Variants in SDK1 observed in about 807,000 individuals in gnomAD.
The protein encoded by SDK1 is sidekick cell adhesion molecule 1.
A neutral mutation model predicts 245.5 loss-of-function variants in SDK1; 157 were observed. That is an observed-to-expected ratio of 0.64 (90% CI 0.56 to 0.73). The LOEUF is 0.73. Ranked by LOEUF, SDK1 falls within the 30% of genes least tolerant of loss-of-function variation. SDK1 has a pLI of 0.00. For missense variants in SDK1, 3,583 were observed against 3,002.3 expected, an observed-to-expected ratio of 1.19 and a Z score of -4.52; for synonymous variants, 1,647 against 1,278.5, an observed-to-expected ratio of 1.29 and a Z score of -6.15.
chr7:3,611,076 C>T (rs1041391471), intron 1 of SDK1, among the ~76,000 whole-genome samples: 12 of 152,092 alleles, frequency 7.9e-5, no homozygotes, highest in African/African-American at 2.9e-4. Flanking sequence ...AAATGTCTGA[C>T]ATTTATTTTA....
intron 5 of SDK1, among the ~76,000 whole-genome samples, chr7:3,826,089 A>T (rs1469663655): frequency 6.6e-6 from 1 of 152,196 alleles, no homozygotes; most frequent in Non-Finnish European, 1.5e-5. Context: ...GTACGGAGTG[A>T]AGTGTGAGGC....
chr7:3,941,926 T>TA (rs1780383803), intron 5 of SDK1, among the ~76,000 whole-genome samples: 1 of 150,572 alleles, frequency 6.6e-6, no homozygotes, highest in African/African-American at 2.4e-5. Flanking sequence ...TTTTTTTTTT[T>TA]GAGACACAGT....
At chr7:3,983,019 A>T (rs1783537698) in intron 13 of SDK1, among the ~76,000 whole-genome samples, 1 of 152,104 alleles carries the variant, frequency 6.6e-6, no homozygotes, top group South Asian at 2.1e-4. Context: ...TTAGAGGTGG[A>T]TCCTGAAGAT....
intron 2 of SDK1, among the ~76,000 whole-genome samples, chr7:3,630,669 T>A (rs1182720472): frequency 2.0e-5 from 3 of 152,014 alleles, no homozygotes; most frequent in Admixed American, 2.0e-4. Context: ...TACAAAAAAA[T>A]CTGAAGTAAG....
chr7:3,639,164 G>T (rs982333814), intron 3 of SDK1, 54 bp downstream of exon 3: 3 of 958,606 alleles, frequency 3.1e-6, no homozygotes, highest in Non-Finnish European at 4.8e-6. Flanking sequence ...TGTCGCTGGG[G>T]AGTCAATCAG....
intron 1 of SDK1, among the ~76,000 whole-genome samples, chr7:3,531,270 T>C (rs1783335433): frequency 1.3e-5 from 2 of 152,236 alleles, no homozygotes; most frequent in Non-Finnish European, 2.9e-5. Flanking sequence ...ATCTGTACGC[T>C]ATGCTAATGC....
At chr7:3,788,080 G>T (rs944909321) in intron 4 of SDK1, among the ~76,000 whole-genome samples, 1 of 152,152 alleles carries the variant, frequency 6.6e-6, no homozygotes, top group Non-Finnish European at 1.5e-5. Flanking sequence ...TCTCAAAGCT[G>T]CAGCCCCACC....
At chr7:3,687,850 G>A (rs559936948) in intron 4 of SDK1, among the ~76,000 whole-genome samples, 8 of 152,286 alleles carry the variant, frequency 5.3e-5, no homozygotes, top group South Asian at 4.2e-4. Context: ...CTATACTTCC[G>A]TAAGCTGTCG....
At chr7:3,711,881 G>A (rs1003499158) in intron 4 of SDK1, among the ~76,000 whole-genome samples, 1 of 152,174 alleles carries the variant, frequency 6.6e-6, no homozygotes, top group Non-Finnish European at 1.5e-5. Flanking sequence ...TGCCATGGTA[G>A]ACTTCCAGGG....
chr7:3,744,498 G>A (rs762915517), intron 4 of SDK1, among the ~76,000 whole-genome samples: 1 of 151,970 alleles, frequency 6.6e-6, no homozygotes, highest in Non-Finnish European at 1.5e-5. Context: ...AAAAAGAAAA[G>A]ACACAAAAGA....
In SDK1 at chr7:3,705,335, C is replaced by A. The variant is rs376513552; in HGVS notation, c.713+63230C>A. On this transcript the variant is annotated intron_variant, in intron 4 of 44. Coordinates refer to ENST00000404826, the MANE Select transcript of SDK1 (RefSeq NM_152744.4). Reference sequence around the variant, plus strand: ...CAATCCATGAGCATGGGATGTGTTTCCATTTATTTGTCATCTATGATTTTT... The same window carrying A: ...CAATCCATGAGCATGGGATGTGTTTACATTTATTTGTCATCTATGATTTTT... Among the ~76,000 whole-genome samples the A allele has an allele frequency of 7.3e-5, 11 of 151,230 alleles. 1 individual carries two copies. The East Asian group carries it at 1.4e-3, about 19-fold the overall frequency.
intron 4 of SDK1, among the ~76,000 whole-genome samples, chr7:3,818,896 G>T (rs1779576225): frequency 6.6e-6 from 1 of 152,190 alleles, no homozygotes; most frequent in Non-Finnish European, 1.5e-5. Flanking sequence ...TGGGAATGGG[G>T]CCAGCTCTCT....
At chr7:4,210,783 A>G (rs1009215232) in intron 38 of SDK1, among the ~76,000 whole-genome samples, 2 of 152,248 alleles carry the variant, frequency 1.3e-5, no homozygotes, top group African/African-American at 4.8e-5. Context: ...TCCTGCGTCC[A>G]GGCAGTTCCT....
intron 35 of SDK1, among the ~76,000 whole-genome samples, chr7:4,197,533 G>T (rs1783654482): frequency 6.6e-6 from 1 of 152,174 alleles, no homozygotes; most frequent in Non-Finnish European, 1.5e-5. Flanking sequence ...AGGAGAAAAA[G>T]AATGGATGCT....
intron 40 of SDK1, among the ~76,000 whole-genome samples, chr7:4,232,320 C>A (rs1785828577): frequency 6.6e-6 from 1 of 150,922 alleles, no homozygotes; most frequent in Admixed American, 6.6e-5. Flanking sequence ...GGCTCCAGCA[C>A]CCCTTTCAGC....
intron 5 of SDK1, among the ~76,000 whole-genome samples, chr7:3,899,759 G>A (rs1452353330): frequency 6.6e-6 from 1 of 152,114 alleles, no homozygotes; most frequent in Non-Finnish European, 1.5e-5. Context: ...AGATGTCCTT[G>A]CCCACCCTCA....
At chr7:3,394,204 A>G (rs562038510) in intron 1 of SDK1, among the ~76,000 whole-genome samples, 1 of 152,008 alleles carries the variant, frequency 6.6e-6, no homozygotes, top group African/African-American at 2.4e-5. Context: ...TTCTCCCCCG[A>G]CCCTCATTTT....
intron 43 of SDK1, among the ~76,000 whole-genome samples, chr7:4,244,187 G>C (rs1461077398): frequency 6.6e-6 from 1 of 152,096 alleles, no homozygotes; most frequent in African/African-American, 2.4e-5. Context: ...TGGTTTCCTG[G>C]CCTGTAGCCT....
intron 1 of SDK1, among the ~76,000 whole-genome samples, chr7:3,573,512 C>T (rs1780182601): frequency 6.6e-6 from 1 of 152,104 alleles, no homozygotes; most frequent in South Asian, 2.1e-4. Context: ...CAGCTGCCCC[C>T]TGAGAAACAA....
Sources: gnomAD v4.1 joint callset for allele counts (sites outside exome capture counted in the v4.1 genomes callset) on GRCh38, gnomAD v4.1.1 for gene constraint, MANE v1.5 for transcripts, NCBI Gene and HGNC (gene_info 2026-07-23, HGNC 2026-07-21) for gene names.